The following GRIN2B variants were observed in gnomAD, a reference collection of about 807,000 sequenced individuals.
The protein encoded by GRIN2B is glutamate receptor ionotropic, NMDA 2B.
In GRIN2B, 5 loss-of-function variants were observed where a neutral mutation model predicts 114.5. The ratio of observed to expected loss-of-function variants is 0.04; its 90% confidence interval spans 0.02 to 0.09. The LOEUF is 0.09. Ranked by LOEUF, GRIN2B falls within the 10% of genes least tolerant of loss-of-function variation. GRIN2B has a pLI of 1.00. For synonymous variants in GRIN2B, 787 were observed against 745.1 expected (o/e 1.06, Z -0.92); for missense variants, 1,108 against 1,943.5 (o/e 0.57, Z 8.08).
At chr12:13,597,621 A>C (rs1949092712) in intron 10 of GRIN2B, among the ~76,000 whole-genome samples, 1 of 152,212 alleles carries the variant, frequency 6.6e-6, no homozygotes, top group South Asian at 2.1e-4. Flanking sequence ...TAAAACCCAG[A>C]AAACTTTGTA....
At chr12:13,648,603 C>G (rs560936673) in intron 5 of GRIN2B, among the ~76,000 whole-genome samples, 17 of 151,976 alleles carry the variant, frequency 1.1e-4, no homozygotes, top group African/African-American at 3.9e-4. Context: ...GATGAAAGAC[C>G]TTATTGCAGT....
rs753005699 is a variant in GRIN2B at position 13,563,458 on chromosome 12, C to G, written c.3780G>C (p.Leu1260=). The G allele has an allele frequency of 1.2e-6, 2 of 1,614,072 alleles. No homozygotes were observed. The highest frequency in any genetic ancestry group is 3.3e-5 in the Admixed American group (2 of 60,000). ...NLYDISEDNS[L]QELDQPAAPV... The stretch of plus-strand genomic sequence containing the variant: ...GGGCAGCCGGCTGGTCCAGTTCCTG[C>G]AGGGAGTTGTCCTCACTGATGTCAT... The change falls in exon 14 of 14, where the codon CTG becomes CTC. Residue 1260 remains leucine (L), a synonymous_variant. Transcript: ENST00000609686.
chr12:13,670,701 T>G (rs1591668217), intron 5 of GRIN2B, among the ~76,000 whole-genome samples: 1 of 149,856 alleles, frequency 6.7e-6, no homozygotes, highest in African/African-American at 2.5e-5. Flanking sequence ...ACACAATGAT[T>G]TTTTTTTTCA....
At chr12:13,825,456 TATATATATATA>T (rs1865014546) in intron 3 of GRIN2B, among the ~76,000 whole-genome samples, 1 of 146,824 alleles carries the variant, frequency 6.8e-6, no homozygotes, top group African/African-American at 2.5e-5. Flanking sequence ...TGGTAGATTT[TATATATATATA>T]ATATATATAT....
chr12:13,779,469 CAT>C (rs1864067597), intron 3 of GRIN2B, among the ~76,000 whole-genome samples: 1 of 152,136 alleles, frequency 6.6e-6, no homozygotes, highest in Admixed American at 6.5e-5. Context: ...GCAAGCCACA[CAT>C]GTAATTTTAA....
At chr12:13,721,383 G>C (rs1363179778) in intron 4 of GRIN2B, among the ~76,000 whole-genome samples, 1 of 152,018 alleles carries the variant, frequency 6.6e-6, no homozygotes, top group Non-Finnish European at 1.5e-5. Flanking sequence ...TTGTTGTGTG[G>C]GGAGGGCAAC....
At chr12:13,575,670 C>CAATAATAATAATAATAATAAT (rs574433534) in intron 10 of GRIN2B, among the ~76,000 whole-genome samples, 1 of 129,816 alleles carries the variant, frequency 7.7e-6, no homozygotes, top group African/African-American at 3.3e-5. Context: ...AAAATGATAA[C>CAATAATAATAATAATAATAAT]AACAATAATA....
At chr12:13,785,344 G>C (rs1270019901) in intron 3 of GRIN2B, among the ~76,000 whole-genome samples, 1 of 152,122 alleles carries the variant, frequency 6.6e-6, no homozygotes, top group Non-Finnish European at 1.5e-5. Context: ...TCCTTAAAAA[G>C]TTTAGACCTT....
At position 13,718,145 on chromosome 12, in the gene GRIN2B, G is replaced by C. The variant is rs1472032871; in HGVS notation, c.1010+35172C>G. On this transcript the variant is annotated intron_variant, in intron 4 of 13. Coordinates refer to ENST00000609686, the MANE Select transcript of GRIN2B (RefSeq NM_000834.5). Reference sequence around the variant, plus strand: ...TCCTATTCTGAGACATCCTCCCCCAGTGCCACACTCACTCACTTTTCTCTA... The same window carrying C: ...TCCTATTCTGAGACATCCTCCCCCACTGCCACACTCACTCACTTTTCTCTA... Among the ~76,000 whole-genome samples the C allele has an allele frequency of 3.3e-5, 5 of 151,962 alleles. No individual in the cohort carries two copies. The East Asian group carries it at 9.7e-4, about 29-fold the overall frequency.
chr12:13,568,627 G>C (rs901954490), intron 12 of GRIN2B, among the ~76,000 whole-genome samples: 7 of 152,154 alleles, frequency 4.6e-5, no homozygotes, highest in Admixed American at 3.9e-4. Context: ...AAATCCACCT[G>C]TGGTCTTCTG....
chr12:13,787,728 C>G (rs1241014980), intron 3 of GRIN2B, among the ~76,000 whole-genome samples: 1 of 152,176 alleles, frequency 6.6e-6, no homozygotes. Flanking sequence ...ACAATTTAGG[C>G]CAGTGGGAGC....
At chr12:13,608,495 G>A in intron 10 of GRIN2B, 108 bp downstream of exon 10, 1 of 775,026 alleles carries the variant, frequency 1.3e-6, no homozygotes, top group Non-Finnish European at 2.3e-6. Flanking sequence ...ACATAAGAAA[G>A]AACGGTCAAT....
intron 4 of GRIN2B, among the ~76,000 whole-genome samples, chr12:13,684,978 A>AT (rs1437626244): frequency 6.6e-6 from 1 of 152,204 alleles, no homozygotes; most frequent in Non-Finnish European, 1.5e-5. Context: ...TCTCTAGGAC[A>AT]TTCAACTATG....
chr12:13,981,396 G>A lies in GRIN2B; in HGVS notation c.-502C>T, dbSNP rs1863135887. 6.6e-6 allele frequency: 1 copy of A among 152,126 alleles called. No individual in the cohort carries two copies. The highest frequency in any genetic ancestry group is 2.1e-4 in the South Asian group (1 of 4,818). 9.4% of individuals were successfully genotyped at this position (152,126 alleles called of 1,614,324 possible). Reference sequence around the variant, plus strand: ...TGCGGAGAGGGGTGGCCGGTGGCTGGGAATGGAGGGTTTTCCTTTCCTGCA... The same window carrying A: ...TGCGGAGAGGGGTGGCCGGTGGCTGAGAATGGAGGGTTTTCCTTTCCTGCA... On this transcript the variant is annotated 5_prime_UTR_variant, in exon 1 of 14. Coordinates refer to ENST00000609686, the MANE Select transcript of GRIN2B (RefSeq NM_000834.5).
intron 3 of GRIN2B, among the ~76,000 whole-genome samples, chr12:13,814,433 T>C (rs962445966): frequency 6.6e-6 from 1 of 152,218 alleles, no homozygotes; most frequent in African/African-American, 2.4e-5. Flanking sequence ...TTAGGACTTA[T>C]GACAAATTTC....
chr12:13,678,779 T>C (rs1950100627), intron 4 of GRIN2B, among the ~76,000 whole-genome samples: 1 of 152,128 alleles, frequency 6.6e-6, no homozygotes, highest in Non-Finnish European at 1.5e-5. Flanking sequence ...GAAGAATTCA[T>C]TGCATAGAAT....
chr12:13,656,034 C>T (rs1949859622), intron 5 of GRIN2B, among the ~76,000 whole-genome samples: 1 of 152,162 alleles, frequency 6.6e-6, no homozygotes, highest in Non-Finnish European at 1.5e-5. Context: ...TTACCTTTCC[C>T]TCTCCGTTCT....
intron 2 of GRIN2B, among the ~76,000 whole-genome samples, chr12:13,869,241 C>CTTTT (rs377460231): frequency 2.4e-5 from 3 of 127,366 alleles, no homozygotes; most frequent in Admixed American, 8.1e-5. Flanking sequence ...CTTTTTTTTT[C>CTTTT]TTTTTTTTTT....
chr12:13,621,978 G>A (rs1371575712), intron 5 of GRIN2B, among the ~76,000 whole-genome samples: 1 of 151,844 alleles, frequency 6.6e-6, no homozygotes, highest in East Asian at 1.9e-4. Flanking sequence ...ACCATGAACA[G>A]TTGATGTGAG....
Sources: allele counts gnomAD v4.1 joint callset (sites outside exome capture counted in the v4.1 genomes callset), GRCh38; gene constraint gnomAD v4.1.1; transcripts MANE v1.5; gene names NCBI Gene and HGNC (gene_info 2026-07-23, HGNC 2026-07-21).